Variants in DIAPH3 observed in about 807,000 individuals in gnomAD.
DIAPH3 encodes diaphanous related formin 3, also known as protein diaphanous homolog 3.
A neutral mutation model predicts 144.3 loss-of-function variants in DIAPH3; 117 were observed. The observed-to-expected ratio is 0.81, with a 90% CI of 0.70 to 0.95. The LOEUF (loss-of-function observed/expected upper bound fraction) is 0.95. Ranked by LOEUF, DIAPH3 falls within the 40% of genes least tolerant of loss-of-function variation. DIAPH3 has a pLI of 0.00. For synonymous variants in DIAPH3, 519 were observed against 488.9 expected (o/e 1.06, Z -0.81); for missense variants, 1,421 against 1,412.7 (o/e 1.01, Z -0.09).
At chr13:59,869,154 C>T (rs1292544520) in intron 21 of DIAPH3, among the ~76,000 whole-genome samples, 4 of 152,190 alleles carry the variant, frequency 2.6e-5, no homozygotes, top group Admixed American at 6.5e-5. Flanking sequence ...TGATGTGCCA[C>T]ATTTTGCTTT....
At chr13:59,847,284 T>A (rs2042697274) in intron 22 of DIAPH3, among the ~76,000 whole-genome samples, 1 of 152,162 alleles carries the variant, frequency 6.6e-6, no homozygotes, top group African/African-American at 2.4e-5. Context: ...ATTTTTGTTG[T>A]TTTTACATAA....
At chr13:59,928,026 A>G (rs944791715) in intron 17 of DIAPH3, among the ~76,000 whole-genome samples, 2 of 152,098 alleles carry the variant, frequency 1.3e-5, no homozygotes, top group Admixed American at 6.6e-5. Flanking sequence ...ACACAAATAT[A>G]TATTTGCTTA....
At chr13:59,826,923 C>G (rs1384615634) in intron 24 of DIAPH3, among the ~76,000 whole-genome samples, 5 of 151,606 alleles carry the variant, frequency 3.3e-5, no homozygotes, top group African/African-American at 1.2e-4. Flanking sequence ...CAAAAACAAG[C>G]AATGGGGAAA....
chr13:59,717,609 G>T (rs536450208), intron 27 of DIAPH3, among the ~76,000 whole-genome samples: 117 of 152,234 alleles, frequency 7.7e-4, no homozygotes, highest in African/African-American at 2.7e-3. Context: ...TACAAATATT[G>T]TATTTAAAGA....
rs1208536987 is a variant in DIAPH3, at chr13:60,035,513, T to C, written c.626+7177A>G. 2.0e-5 allele frequency among the ~76,000 whole-genome samples: 3 copies of C among 152,210 alleles called. No individual in the cohort carries two copies. In the East Asian group the frequency reaches 5.8e-4, roughly 29 times the overall value. ...TTGAAAATGTAAAGTTAGTACTTAT[T>C]TGAAAACATTAATAGTTACTTTCTT... On this transcript the variant is annotated intron_variant, in intron 5 of 27. Coordinates refer to ENST00000400324, the MANE Select transcript of DIAPH3 (RefSeq NM_001042517.2).
At chr13:60,077,821 G>C (rs556743955) in intron 4 of DIAPH3, among the ~76,000 whole-genome samples, 4 of 152,072 alleles carry the variant, frequency 2.6e-5, no homozygotes, top group Admixed American at 1.3e-4. Context: ...CAGGATCTTA[G>C]TCTAAATATA....
At position 59,853,289 on chromosome 13, in the gene DIAPH3, C is replaced by T. The variant is rs1033754864; in HGVS notation, c.2737+8118G>A. ...ATTACAGTTATTGCTGTTATCATGG[C>T]CTATCAATAAAAAAATTCCTTAAAT... On this transcript the variant is annotated intron_variant, in intron 22 of 27. Transcript: ENST00000400324. Among the ~76,000 whole-genome samples the T allele has an allele frequency of 5.3e-5, 8 of 152,240 alleles. No individual in the cohort carries two copies. The South Asian group carries it at 1.0e-3, about 20-fold the overall frequency.
At chr13:60,071,224 G>C (rs2057194578) in intron 4 of DIAPH3, among the ~76,000 whole-genome samples, 1 of 152,108 alleles carries the variant, frequency 6.6e-6, no homozygotes, top group Non-Finnish European at 1.5e-5. Flanking sequence ...AGGAGAAGTT[G>C]ACCCCAAAGT....
At chr13:59,813,422 G>A (rs1439671673) in intron 24 of DIAPH3, among the ~76,000 whole-genome samples, 2 of 151,870 alleles carry the variant, frequency 1.3e-5, no homozygotes, top group East Asian at 3.8e-4. Flanking sequence ...TTAAGTACTT[G>A]TTTACTGTAA....
Position 59,833,110 on chromosome 13 carries a change from G to C in DIAPH3, c.3024C>G (p.Phe1008Leu), listed in dbSNP as rs978946306. 1 of 1,607,946 alleles carries C rather than the reference G, an allele frequency of 6.2e-7. No homozygotes were observed. Among genetic ancestry groups the C allele is most frequent in the African/African-American group, 1.3e-5 (1 of 74,830 alleles). ...LTDLNNFRTT[F>L]MQAIKENIKK... ...AAAAACAATTTTTTTACCATACCAT[G>C]AATGTGGTTCTGAAGTTATTCAGGT... Residue 1008 changes from phenylalanine (F) to leucine (L), a missense_variant, in exon 24 of 28, where the codon TTC becomes TTG. Physicochemically the swap from Phe to Leu is conservative, Grantham distance 22. Transcript: ENST00000400324.
In DIAPH3 at chr13:60,163,703, G is replaced by A. The variant is rs929087134; in HGVS notation, c.64C>T (p.Pro22Ser). The stretch of plus-strand genomic sequence containing the variant: ...CAGCCGCGGAGAGAGGCTGAGGAAG[G>A]GTAGGGAGTCCCAGCGGCTGAGCCT... ...AQGSAAGTPY[P>S]SSASLRGCRE... is the part of the protein sequence containing the mutation. Residue 22 changes from proline (P) to serine (S), a missense_variant, in exon 1 of 28, where the codon CCT (proline) becomes TCT (serine). By Grantham distance (74) the Pro-to-Ser change is moderately conservative. Coordinates refer to ENST00000400324, the MANE Select transcript of DIAPH3 (RefSeq NM_001042517.2). 5 of 1,609,186 alleles carry A rather than the reference G, an allele frequency of 3.1e-6. No homozygotes were observed. The highest frequency in any genetic ancestry group is 3.4e-6 in the Non-Finnish European group (4 of 1,177,052).
chr13:60,013,754 T>G (rs546865424), intron 7 of DIAPH3, among the ~76,000 whole-genome samples: 1 of 152,276 alleles, frequency 6.6e-6, no homozygotes, highest in South Asian at 2.1e-4. Flanking sequence ...AAAGACTGTA[T>G]AAGTGAGGTT....
intron 17 of DIAPH3, among the ~76,000 whole-genome samples, chr13:59,946,358 G>T (rs1024665428): frequency 5.9e-5 from 9 of 152,022 alleles, no homozygotes; most frequent in Admixed American, 4.6e-4. Flanking sequence ...AATGCACCAA[G>T]TTCAAGATTA....
intron 2 of DIAPH3, among the ~76,000 whole-genome samples, chr13:60,113,173 GA>G (rs2058615620): frequency 6.6e-6 from 1 of 152,078 alleles, no homozygotes; most frequent in Admixed American, 6.5e-5. Context: ...AAATTAAATT[GA>G]ATGATATTAA....
At chr13:60,062,027 T>A (rs980753487) in intron 4 of DIAPH3, among the ~76,000 whole-genome samples, 5 of 152,112 alleles carry the variant, frequency 3.3e-5, no homozygotes, top group African/African-American at 1.2e-4. Flanking sequence ...CGGCAGGAGA[T>A]AGTGCTGACC....
At chr13:59,843,465 G>T (rs1226309822) in intron 22 of DIAPH3, among the ~76,000 whole-genome samples, 4 of 152,168 alleles carry the variant, frequency 2.6e-5, no homozygotes, top group African/African-American at 7.2e-5. Flanking sequence ...TTCTGTGGTT[G>T]TCAGTGGGTC....
intron 22 of DIAPH3, among the ~76,000 whole-genome samples, chr13:59,850,182 T>C (rs1593670087): frequency 6.6e-6 from 1 of 152,168 alleles, no homozygotes; most frequent in Admixed American, 6.5e-5. Flanking sequence ...ATCCTGAGAC[T>C]TTGCTGAAGT....
chr13:59,670,633 AG>A (rs1412420725), intron 27 of DIAPH3, among the ~76,000 whole-genome samples: 4 of 142,032 alleles, frequency 2.8e-5, no homozygotes, highest in South Asian at 4.5e-4. Context: ...CCCAGGCTGG[AG>A]TGCAGTGGCG....
intron 18 of DIAPH3, among the ~76,000 whole-genome samples, chr13:59,921,077 T>C (rs1279138223): frequency 6.7e-6 from 1 of 149,918 alleles, no homozygotes; most frequent in Non-Finnish European, 1.5e-5. Context: ...CCAAAATATA[T>C]GGGATATAGC....
Sources: gnomAD v4.1 joint callset for allele counts (sites outside exome capture counted in the v4.1 genomes callset) on GRCh38, gnomAD v4.1.1 for gene constraint, MANE v1.5 for transcripts, NCBI Gene and HGNC (gene_info 2026-07-23, HGNC 2026-07-21) for gene names.